STK32C: variants seen among roughly 807,000 people sequenced by gnomAD.
STK32C encodes the protein serine/threonine-protein kinase 32C.
Under a neutral mutation model 56.5 loss-of-function variants are expected in STK32C, and 31 were observed. That is an observed-to-expected ratio of 0.55 (90% CI 0.41 to 0.74). STK32C has a LOEUF of 0.74. STK32C is among the 30% of genes least tolerant of loss of function. The pLI is 0.00. For missense variants in STK32C, 544 were observed against 676.9 expected (o/e 0.80, Z 2.18); for synonymous variants, 309 against 289.4 (o/e 1.07, Z -0.69).
At chr10:132,246,774 G>C (rs2063710626) in intron 1 of STK32C, among the ~76,000 whole-genome samples, 2 of 152,076 alleles carry the variant, frequency 1.3e-5, no homozygotes, top group Admixed American at 6.5e-5. Context: ...ATAAGACGGG[G>C]GTCCCACAAT....
At chr10:132,226,720 G>C in intron 4 of STK32C, 75 bp downstream of exon 4, 8 of 1,538,772 alleles carry the variant, frequency 5.2e-6, no homozygotes, top group Non-Finnish European at 7.1e-6. Flanking sequence ...CGGCCGCCGT[G>C]CCGGCAGCCT....
rs2064097588 is a variant in STK32C at position 132,255,776 on chromosome 10, A to AG, written c.263-9822dup. On this transcript the variant is annotated intron_variant, in intron 1 of 11. Transcript: ENST00000298630. This position sits in a 1 kb window ranked among gnomAD's most constrained non-coding sequence, Gnocchi z 4.6. ...TCTGACCCTGGACTCCTCAGTCCAG[A>AG]GGGGGCCTGGAGCCTCGAGGTCATG... 6.6e-6 allele frequency among the ~76,000 whole-genome samples: 1 copy of AG among 152,150 alleles called. No homozygotes were observed. Among genetic ancestry groups the AG allele is most frequent in the African/African-American group, 2.4e-5 (1 of 41,440 alleles).
At chr10:132,271,650 GC>G (rs1333907051) in intron 1 of STK32C, among the ~76,000 whole-genome samples, 2 of 152,184 alleles carry the variant, frequency 1.3e-5, no homozygotes, top group Non-Finnish European at 2.9e-5. Context: ...CACGGATCCA[GC>G]CCCCACCACT....
chr10:132,302,617 A>G (rs2065942806), intron 1 of STK32C, among the ~76,000 whole-genome samples: 1 of 152,168 alleles, frequency 6.6e-6, no homozygotes, highest in South Asian at 2.1e-4. Context: ...ACTGTGGGGG[A>G]TGGGTGTCTG....
At chr10:132,263,871 A>G (rs2064396782) in intron 1 of STK32C, among the ~76,000 whole-genome samples, 1 of 151,818 alleles carries the variant, frequency 6.6e-6, no homozygotes, top group South Asian at 2.1e-4. Context: ...ATCTCAAAAA[A>G]AAAAAAAAAA....
downstream of STK32C, among the ~76,000 whole-genome samples, chr10:132,321,580 A>G (rs2066408226): frequency 6.6e-6 from 1 of 152,136 alleles, no homozygotes; most frequent in Admixed American, 6.5e-5. Flanking sequence ...CTATAATCCC[A>G]GCACTTTGGG....
intron 1 of STK32C, among the ~76,000 whole-genome samples, chr10:132,313,623 C>T (rs961622107): frequency 2.0e-5 from 3 of 152,262 alleles, no homozygotes; most frequent in African/African-American, 4.8e-5. Flanking sequence ...AGAGCTGACA[C>T]CTGACAGATG....
Position 132,225,571 on chromosome 10 carries a change from T to C in STK32C, c.728A>G (p.Asp243Gly). ...TDFNIATIIK[D>G]GERATALAGT... ...TGCTAATGCCGTCGCCCGCTCCCCG[T>C]CCTTGATGATGGTGGCAATGTTGAA... The change falls in exon 6 of 12, where the codon GAC (aspartate) becomes GGC (glycine). Residue 243 changes from aspartate (D) to glycine (G), a missense_variant. This residue lies in a region of STK32C where 85 missense variants were observed against 149.9 expected (regional missense o/e 0.57). Coordinates refer to ENST00000298630, the MANE Select transcript of STK32C (RefSeq NM_173575.4). 1 of 1,613,788 alleles carries C rather than the reference T, an allele frequency of 6.2e-7. No homozygotes were observed. The highest frequency in any genetic ancestry group is 8.5e-7 in the Non-Finnish European group (1 of 1,179,950).
At chr10:132,258,016 C>T (rs1307269065) in intron 1 of STK32C, among the ~76,000 whole-genome samples, 1 of 152,234 alleles carries the variant, frequency 6.6e-6, no homozygotes, top group African/African-American at 2.4e-5. Context: ...GGACGAAGGG[C>T]TCCATGTCCC....
intron 10 of STK32C, among the ~76,000 whole-genome samples, chr10:132,220,873 C>G (rs565159326): frequency 6.6e-6 from 1 of 152,184 alleles, no homozygotes; most frequent in Admixed American, 6.5e-5. Flanking sequence ...CCTGGACTTC[C>G]GATTTACAGA....
rs748718969 is a variant in STK32C at position 132,225,196 on chromosome 10, C to T, written c.876+37G>A. ...ACTGGTGGGGGCAGAGAGCAGGGGC[C>T]TGGCAGCCAAGCCCAGGGGCTGCAG... On this transcript the variant is annotated intron_variant, in intron 7 of 11. Coordinates refer to ENST00000298630, the MANE Select transcript of STK32C (RefSeq NM_173575.4). 9 of 1,538,854 alleles carry T rather than the reference C, an allele frequency of 5.8e-6. No individual in the cohort carries two copies. In the South Asian group the frequency reaches 1.0e-4, roughly 17 times the overall value.
chr10:132,294,297 C>A (rs2065669034), intron 1 of STK32C, among the ~76,000 whole-genome samples: 1 of 152,100 alleles, frequency 6.6e-6, no homozygotes, highest in African/African-American at 2.4e-5. Context: ...AGTGTCAGAC[C>A]CTGCCATAGG....
At chr10:132,293,014 C>CCACG (rs1273838524) in intron 1 of STK32C, among the ~76,000 whole-genome samples, 2 of 152,212 alleles carry the variant, frequency 1.3e-5, no homozygotes, top group Non-Finnish European at 2.9e-5. Flanking sequence ...GAAACCTGCC[C>CCACG]CACGCAACGT....
chr10:132,219,204 G>A (rs1231151551), intron 10 of STK32C, among the ~76,000 whole-genome samples: 3 of 152,210 alleles, frequency 2.0e-5, no homozygotes, highest in East Asian at 1.9e-4. Context: ...TATATTGCAT[G>A]GAATGTGAAT....
rs187148144 is a variant in STK32C at position 132,294,143 on chromosome 10, G to A, written c.262+13429C>T. 2.0e-4 allele frequency among the ~76,000 whole-genome samples: 30 copies of A among 152,360 alleles called. No homozygotes were observed. In the East Asian group the frequency reaches 4.8e-3, roughly 24 times the overall value. ...GGAATTGGGAGTCGCTGCCATATAG[G>A]TGGTATTTGAACCATGAGATCACCA... On this transcript the variant is annotated intron_variant, in intron 1 of 11. Coordinates refer to ENST00000298630, the MANE Select transcript of STK32C (RefSeq NM_173575.4).
intron 1 of STK32C, among the ~76,000 whole-genome samples, chr10:132,295,329 C>T (rs764376866): frequency 4.6e-5 from 7 of 152,128 alleles, no homozygotes; most frequent in Non-Finnish European, 8.8e-5. Context: ...AGGAAACACA[C>T]GGGGTGAGCC....
chr10:132,249,116 G>A (rs767001228), intron 1 of STK32C: 7 of 463,814 alleles, frequency 1.5e-5, no homozygotes, highest in South Asian at 3.1e-5. Context: ...CATGCGTGCC[G>A]GGGCGGGGCT....
chr10:132,213,975 GA>G (rs1011149232), intron 10 of STK32C, among the ~76,000 whole-genome samples: 45 of 144,210 alleles, frequency 3.1e-4, no homozygotes, highest in South Asian at 2.4e-3. Context: ...AATGCAAAGA[GA>G]AAAAAAAAAG....
intron 1 of STK32C, among the ~76,000 whole-genome samples, chr10:132,325,655 C>T (rs2066483932): frequency 6.6e-6 from 1 of 152,012 alleles, no homozygotes; most frequent in South Asian, 2.1e-4. Flanking sequence ...TGTGAGGCTT[C>T]CCCAGCCAGG....
Sources: allele counts gnomAD v4.1 joint callset (sites outside exome capture counted in the v4.1 genomes callset), GRCh38; gene constraint gnomAD v4.1.1; regional missense constraint gnomAD v4.1.1; non-coding constraint Gnocchi (gnomAD v3.1); transcripts MANE v1.5; gene names NCBI Gene and HGNC (gene_info 2026-07-23, HGNC 2026-07-21).